ERICH5: variants seen among roughly 807,000 people sequenced by gnomAD.
The protein encoded by ERICH5 is glutamate rich 5.
In ERICH5, 24 loss-of-function variants were observed where a neutral mutation model predicts 28.0. That is an observed-to-expected ratio of 0.86 (90% CI 0.62 to 1.21). The LOEUF (loss-of-function observed/expected upper bound fraction) is 1.21, where lower values mean the gene tolerates loss of function less well. ERICH5 is among the 50% of genes most tolerant of loss of function. The probability of loss-of-function intolerance (pLI) is 0.00; values close to 1 mark genes in which losing one functional copy is unlikely to be tolerated. For synonymous variants in ERICH5, 163 were observed against 157.6 expected, an observed-to-expected ratio of 1.03 and a Z score of -0.25; for missense variants, 421 against 441.2, an observed-to-expected ratio of 0.95 and a Z score of 0.41.
chr8:98,070,672 A>AAAAAAAAAAAG, intron 1 of ERICH5, among the ~76,000 whole-genome samples: 1 of 147,302 alleles, frequency 6.8e-6, no homozygotes, highest in Non-Finnish European at 1.5e-5. Context: ...AAAAAAAAAA[A>AAAAAAAAAAAG]AAAAAAAAAA....
chr8:98,065,312 A>G lies in ERICH5; in HGVS notation c.58+585A>G, dbSNP rs570170526. Among the ~76,000 whole-genome samples the G allele has an allele frequency of 2.1e-4, 32 of 152,322 alleles. No individual in the cohort carries two copies. The South Asian group carries it at 2.7e-3, about 13-fold the overall frequency. The stretch of plus-strand genomic sequence containing the variant: ...TCAAAGATGGCAAAAGATGCGGAGA[A>G]TCCAGAGGAGCATTCACTCCATCAA... On this transcript the variant is annotated intron_variant, in intron 1 of 2. Coordinates refer to ENST00000318528, the MANE Select transcript of ERICH5 (RefSeq NM_173549.3).
chr8:98,090,094 T>C lies in ERICH5; in HGVS notation c.1012+65T>C, dbSNP rs910185455. ...TCCATAGGAGACCAGCTCTGGGGAG[T>C]GGGATGGGGTGACTGACACACAGTC... is the stretch of plus-strand genomic sequence containing the variant. On this transcript the variant is annotated intron_variant, in intron 2 of 2. Coordinates refer to ENST00000318528, the MANE Select transcript of ERICH5 (RefSeq NM_173549.3). 1.1e-5 allele frequency: 13 copies of C among 1,207,742 alleles called. No individual in the cohort carries two copies. In the African/African-American group the frequency reaches 2.0e-4, roughly 18 times the overall value. The allele number at this position is 1,207,742 out of a possible 1,614,324, so 74.8% of individuals were successfully genotyped here. A position where few individuals can be genotyped will look rare whatever the true frequency, so the allele number is the denominator to read the frequency against.
chr8:98,091,890 TTCTTTCTTTC>T (rs1563759526), intron 2 of ERICH5, among the ~76,000 whole-genome samples: 1 of 85,722 alleles, frequency 1.2e-5, no homozygotes, highest in African/African-American at 4.6e-5. Context: ...CTTTCTTTCT[TTCTTTCTTTC>T]CTTTCTTTCT....
rs542755439 is a variant in ERICH5, at chr8:98,092,223, G to C, written c.1013-998G>C. Among the ~76,000 whole-genome samples the C allele has an allele frequency of 5.9e-5, 9 of 151,920 alleles. No individual in the cohort carries two copies. The South Asian group carries it at 1.9e-3, about 32-fold the overall frequency. On this transcript the variant is annotated intron_variant, in intron 2 of 2. Coordinates refer to ENST00000318528, the MANE Select transcript of ERICH5 (RefSeq NM_173549.3). Reference sequence around the variant, plus strand: ...GACAGAGTCTTGCTCTGTTACTCAGGCTGGAGTGCAGTGGTATTCTTAGCT... The same window carrying C: ...GACAGAGTCTTGCTCTGTTACTCAGCCTGGAGTGCAGTGGTATTCTTAGCT...
At chr8:98,068,268 C>G (rs1322643542) in intron 1 of ERICH5, among the ~76,000 whole-genome samples, 1 of 152,208 alleles carries the variant, frequency 6.6e-6, no homozygotes, top group Non-Finnish European at 1.5e-5. Context: ...CCATTAGACA[C>G]TGAATCTCAC....
chr8:98,077,835 A>G (rs1296753127), intron 1 of ERICH5, among the ~76,000 whole-genome samples: 1 of 152,116 alleles, frequency 6.6e-6, no homozygotes, highest in Non-Finnish European at 1.5e-5. Context: ...CTGCCAAAGT[A>G]TTGGGATTAC....
intron 1 of ERICH5, among the ~76,000 whole-genome samples, chr8:98,088,461 C>T (rs1351515284): frequency 6.6e-6 from 1 of 152,122 alleles, no homozygotes; most frequent in Non-Finnish European, 1.5e-5. Flanking sequence ...TTTCTTTTCC[C>T]ACTGTGCCCC....
At chr8:98,065,880 A>C (rs79258171) in intron 1 of ERICH5, among the ~76,000 whole-genome samples, 1 of 152,188 alleles carries the variant, frequency 6.6e-6, no homozygotes, top group Non-Finnish European at 1.5e-5. Flanking sequence ...AGAGCGCACC[A>C]GACGGTGAGG....
At chr8:98,064,967 G>C (rs1814793803) in intron 1 of ERICH5, among the ~76,000 whole-genome samples, 1 of 152,218 alleles carries the variant, frequency 6.6e-6, no homozygotes, top group African/African-American at 2.4e-5. Flanking sequence ...CGAGACGCGC[G>C]GGGCCCGAGG....
At chr8:98,088,563 C>G (rs1473950632) in intron 1 of ERICH5, among the ~76,000 whole-genome samples, 2 of 152,202 alleles carry the variant, frequency 1.3e-5, no homozygotes, top group Non-Finnish European at 2.9e-5. Context: ...CTGCCACAGT[C>G]CTTTTTCCAT....
At chr8:98,090,422 A>G (rs1026088220) in intron 2 of ERICH5, among the ~76,000 whole-genome samples, 5 of 152,146 alleles carry the variant, frequency 3.3e-5, no homozygotes, top group Non-Finnish European at 7.4e-5. Context: ...TATATACATA[A>G]TGGATCTTAG....
chr8:98,065,154 C>T (rs1467052708), intron 1 of ERICH5, among the ~76,000 whole-genome samples: 6 of 152,170 alleles, frequency 3.9e-5, no homozygotes, highest in Non-Finnish European at 8.8e-5. Flanking sequence ...GAGGCTGAGG[C>T]GGGACGATCT....
At chr8:98,074,445 A>G in intron 1 of ERICH5, among the ~76,000 whole-genome samples, 1 of 133,820 alleles carries the variant, frequency 7.5e-6, no homozygotes, top group East Asian at 2.2e-4. Context: ...TTTTTTTGAG[A>G]CAGGGTCTCA....
At chr8:98,074,905 C>T (rs1356005777) in intron 1 of ERICH5, among the ~76,000 whole-genome samples, 1 of 152,160 alleles carries the variant, frequency 6.6e-6, no homozygotes, top group Non-Finnish European at 1.5e-5. Flanking sequence ...GCGTCCCATC[C>T]AGAATCCCAC....
chr8:98,088,467 G>A (rs932649189), intron 1 of ERICH5, among the ~76,000 whole-genome samples: 14 of 152,072 alleles, frequency 9.2e-5, no homozygotes, highest in African/African-American at 3.4e-4. Flanking sequence ...TTCCCACTGT[G>A]CCCCCCAAAT....
chr8:98,064,726 C>A lies in ERICH5; in HGVS notation c.57C>A (p.Ser19Arg). Residue 19 changes from serine (S) to arginine (R), a missense_variant and splice_region_variant, in exon 1 of 3, where the codon AGC (serine) becomes AGA (arginine). Ser to Arg is a moderately radical substitution (Grantham distance 110). Transcript: ENST00000318528. ...NKAGDSSRFP[S>R]VTSNEHFSTA... ...CCGGCGACAGCAGCAGGTTCCCCAGCGGTGAGCAGGGTACCGGCGCCGCCC... is the reference window on the plus strand; with the variant it reads ...CCGGCGACAGCAGCAGGTTCCCCAGAGGTGAGCAGGGTACCGGCGCCGCCC... The A allele has an allele frequency of 1.3e-6, 2 of 1,530,356 alleles. No individual in the cohort carries two copies. The highest frequency in any genetic ancestry group is 1.8e-6 in the Non-Finnish European group (2 of 1,141,666). The allele number at this position is 1,530,356 out of a possible 1,614,324, so 94.8% of individuals were successfully genotyped here.
chr8:98,091,872 C>G (rs1255941750), intron 2 of ERICH5, among the ~76,000 whole-genome samples: 2 of 88,614 alleles, frequency 2.3e-5, no homozygotes, highest in South Asian at 9.0e-4. Flanking sequence ...TTCTTTCTTT[C>G]TTTCTTTCTT....
At chr8:98,091,945 CTTT>C in intron 2 of ERICH5, among the ~76,000 whole-genome samples, 1 of 23,324 alleles carries the variant, frequency 4.3e-5, no homozygotes, top group African/African-American at 1.3e-4. Context: ...TCCTTTCTTT[CTTT>C]CTTCTTTCTT....
intron 2 of ERICH5, 70 bp from the exon 3 acceptor site, chr8:98,093,151 C>T: frequency 5.4e-6 from 6 of 1,107,152 alleles, no homozygotes; most frequent in Middle Eastern, 2.1e-4. Context: ...CCATTGGAGA[C>T]AAACTGTGGG....
Sources: allele counts gnomAD v4.1 joint callset (sites outside exome capture counted in the v4.1 genomes callset), GRCh38; gene constraint gnomAD v4.1.1; transcripts MANE v1.5; gene names NCBI Gene and HGNC (gene_info 2026-07-23, HGNC 2026-07-21).